Variants in DNAAF4 observed in about 807,000 individuals in gnomAD.
The protein encoded by DNAAF4 is dynein axonemal assembly factor 4.
In DNAAF4, 43 loss-of-function variants were observed where a neutral mutation model predicts 51.8. The ratio of observed to expected loss-of-function variants is 0.83; its 90% CI spans 0.65 to 1.07. The LOEUF (loss-of-function observed/expected upper bound fraction) is 1.07, where lower values mean the gene tolerates loss of function less well. DNAAF4 is among the 50% of genes least tolerant of loss of function. DNAAF4 has a pLI of 0.00. For missense variants in DNAAF4, 581 were observed against 493.0 expected, an observed-to-expected ratio of 1.18 and a Z score of -1.69; for synonymous variants, 194 against 165.6, an observed-to-expected ratio of 1.17 and a Z score of -1.32.
At chr15:55,451,619 CTT>C (rs34676492) in intron 5 of DNAAF4, among the ~76,000 whole-genome samples, 2 of 146,810 alleles carry the variant, frequency 1.4e-5, no homozygotes, top group Admixed American at 6.8e-5. Flanking sequence ...TGAATAATAT[CTT>C]TTTTTTTTTT....
chr15:55,418,693 T>A, intron 7 of DNAAF4: 1 of 682,386 alleles, frequency 1.5e-6, no homozygotes, highest in Non-Finnish European at 2.3e-6. Context: ...ATAAGTTAAA[T>A]AAAGTATTTC....
intron 9 of DNAAF4, among the ~76,000 whole-genome samples, chr15:55,432,058 G>C (rs1381188000): frequency 6.6e-6 from 1 of 151,870 alleles, no homozygotes; most frequent in East Asian, 1.9e-4. Context: ...CGGGTTCAAG[G>C]GATTCTCCTG....
chr15:55,481,019 C>T (rs1354479894), intron 4 of DNAAF4, among the ~76,000 whole-genome samples: 2 of 152,090 alleles, frequency 1.3e-5, no homozygotes, highest in Non-Finnish European at 2.9e-5. Context: ...TGGCATTTCT[C>T]CTGCTGGTGC....
intron 6 of DNAAF4, among the ~76,000 whole-genome samples, chr15:55,440,984 A>G (rs954166364): frequency 6.8e-6 from 1 of 147,672 alleles, no homozygotes. Context: ...CCCGTCCTTA[A>G]ACTTTTTTTT....
intron 6 of DNAAF4, among the ~76,000 whole-genome samples, chr15:55,445,296 G>A (rs1006601957): frequency 9.9e-5 from 15 of 151,922 alleles, no homozygotes; most frequent in Admixed American, 5.9e-4. Context: ...ATCTTGCACC[G>A]CCCTTAATCC....
At position 55,503,861 on chromosome 15, in the gene DNAAF4, G is replaced by A. The variant is rs1339388039; in HGVS notation, c.-256+4261C>T. Among the ~76,000 whole-genome samples the A allele has an allele frequency of 9.2e-5, 14 of 152,098 alleles. No homozygotes were observed. In the East Asian group the frequency reaches 2.7e-3, roughly 29 times the overall value. On this transcript the variant is annotated intron_variant, in intron 1 of 9. Transcript: ENST00000321149. ...CTGGAAGCATTCCCTTTGAAAACCGGCACAAGACAAGGATGCCCTCTCTCA... is the reference window on the plus strand; with the variant it reads ...CTGGAAGCATTCCCTTTGAAAACCGACACAAGACAAGGATGCCCTCTCTCA...
chr15:55,484,279 C>T (rs572994419), intron 4 of DNAAF4, among the ~76,000 whole-genome samples: 52 of 151,896 alleles, frequency 3.4e-4, no homozygotes, highest in Non-Finnish European at 6.9e-4. Context: ...GTCAGGAGAT[C>T]GAGATCATCC....
intron 8 of DNAAF4, among the ~76,000 whole-genome samples, chr15:55,433,963 A>T (rs368228818): frequency 0.31 from 9,120 of 29,816 alleles, 1,577 homozygotes; most frequent in African/African-American, 0.56. Context: ...TAATATATAT[A>T]ATATATTTTA....
rs1373924553 is a variant in DNAAF4 at position 55,430,623 on chromosome 15, T to C, written c.*47A>G. The C allele has an allele frequency of 3.8e-6, 6 of 1,589,462 alleles. No homozygotes were observed. The highest frequency in any genetic ancestry group is 5.1e-6 in the Non-Finnish European group (6 of 1,168,806). On this transcript the variant is annotated 3_prime_UTR_variant, in exon 10 of 10. Coordinates refer to ENST00000321149, the MANE Select transcript of DNAAF4 (RefSeq NM_130810.4). ...ATAATATGTACAAAGATGCCTCCAG[T>C]TGTTTTTAAAAAACTTATAACAATA...
At chr15:55,502,977 A>G (rs926224028) in intron 1 of DNAAF4, among the ~76,000 whole-genome samples, 3 of 152,204 alleles carry the variant, frequency 2.0e-5, no homozygotes, top group African/African-American at 7.2e-5. Flanking sequence ...AAAATCAGTG[A>G]ATCCAGCAGC....
chr15:55,418,296 C>G, intron 7 of DNAAF4: 1 of 1,549,080 alleles, frequency 6.5e-7, no homozygotes, highest in Non-Finnish European at 8.7e-7. Context: ...TGTGTGAACC[C>G]TGGCAATCCT....
Position 55,430,639 on chromosome 15 carries a change from T to C in DNAAF4, c.*31A>G, listed in dbSNP as rs1261036342. On this transcript the variant is annotated 3_prime_UTR_variant, in exon 10 of 10. Coordinates refer to ENST00000321149, the MANE Select transcript of DNAAF4 (RefSeq NM_130810.4). The stretch of plus-strand genomic sequence containing the variant: ...TGCCTCCAGTTGTTTTTAAAAAACT[T>C]ATAACAATACTTAGTTACTTCTAAT... 1 of 1,600,790 alleles carries C rather than the reference T, an allele frequency of 6.2e-7. No individual in the cohort carries two copies. Among genetic ancestry groups the C allele is most frequent in the East Asian group, 2.3e-5 (1 of 44,418 alleles).
At position 55,483,636 on chromosome 15, in the gene DNAAF4, G is replaced by GTTCAAGTGA. The variant is rs568401948; in HGVS notation, c.405+7478_405+7486dup. ...GCCCACTGCAACCTCTGTCTTCTGG[G>GTTCAAGTGA]TTCAAGTGATTCTCCTGCCTCAGCC... On this transcript the variant is annotated intron_variant, in intron 4 of 9. Transcript: ENST00000321149. Among the ~76,000 whole-genome samples, 993 of 151,796 alleles carry GTTCAAGTGA rather than the reference G, an allele frequency of 6.5e-3. 6 individuals are homozygous for GTTCAAGTGA. The highest frequency in any genetic ancestry group is 0.01 in the Non-Finnish European group (703 of 67,974).
chr15:55,436,510 G>A (rs1345606166), intron 7 of DNAAF4, among the ~76,000 whole-genome samples: 2 of 151,894 alleles, frequency 1.3e-5, no homozygotes, highest in Non-Finnish European at 2.9e-5. Context: ...CTGAGACTCA[G>A]ATTAGCTGGG....
chr15:55,418,743 A>G (rs1347123791), intron 7 of DNAAF4: 24 of 513,890 alleles, frequency 4.7e-5, no homozygotes, highest in Non-Finnish European at 6.6e-5. Flanking sequence ...AAATGAAAAT[A>G]TGTTCAAAAT....
intron 4 of DNAAF4, among the ~76,000 whole-genome samples, chr15:55,479,416 C>G (rs1595938230): frequency 1.3e-5 from 2 of 152,200 alleles, no homozygotes; most frequent in East Asian, 3.9e-4. Flanking sequence ...TCTTCGTAAG[C>G]TGAGGATGTA....
intron 5 of DNAAF4, among the ~76,000 whole-genome samples, chr15:55,461,183 C>T (rs1255047682): frequency 6.6e-6 from 1 of 152,110 alleles, no homozygotes; most frequent in Non-Finnish European, 1.5e-5. Flanking sequence ...ATTCTCCTGC[C>T]TCAGCCTCCC....
At chr15:55,461,560 GA>G (rs2058095018) in intron 5 of DNAAF4, among the ~76,000 whole-genome samples, 1 of 152,106 alleles carries the variant, frequency 6.6e-6, no homozygotes. Flanking sequence ...ATGAAATCAA[GA>G]CGGAAATTTT....
intron 4 of DNAAF4, among the ~76,000 whole-genome samples, chr15:55,487,443 G>C (rs1158002263): frequency 1.3e-5 from 2 of 152,124 alleles, no homozygotes; most frequent in African/African-American, 4.8e-5. Context: ...ACATAGACGG[G>C]GACAAATAAG....
Sources: gnomAD v4.1 joint callset for allele counts (sites outside exome capture counted in the v4.1 genomes callset) on GRCh38, gnomAD v4.1.1 for gene constraint, MANE v1.5 for transcripts, NCBI Gene and HGNC (gene_info 2026-07-23, HGNC 2026-07-21) for gene names.